The following HLCS variants were observed in gnomAD, a reference collection of about 807,000 sequenced individuals.
HLCS encodes the protein holocarboxylase synthetase.
HLCS carries 53 observed loss-of-function variants against 75.0 expected under a neutral mutation model. The ratio of observed to expected loss-of-function variants is 0.71; its 90% CI spans 0.57 to 0.89. The LOEUF (loss-of-function observed/expected upper bound fraction) is 0.89, where lower values mean the gene tolerates loss of function less well. HLCS is among the 40% of genes least tolerant of loss of function. The pLI, the probability that HLCS is intolerant of heterozygous loss-of-function variation, is 0.00. For missense variants in HLCS, 966 were observed against 1,074.0 expected (o/e 0.90, Z 1.41); for synonymous variants, 431 against 428.6 (o/e 1.01, Z -0.07).
chr21:36,981,524 T>G (rs1447718187), intron 1 of HLCS, among the ~76,000 whole-genome samples: 1 of 150,708 alleles, frequency 6.6e-6, no homozygotes, highest in East Asian at 2.0e-4. Flanking sequence ...CCTCAGCCTC[T>G]TAAGTATTGG....
chr21:36,938,652 C>T (rs767164295), intron 3 of HLCS, among the ~76,000 whole-genome samples, 180 bp downstream of exon 3: 7 of 152,130 alleles, frequency 4.6e-5, no homozygotes, highest in Non-Finnish European at 8.8e-5. Context: ...GCATGCACCA[C>T]CACACCCAGC....
chr21:36,873,169 G>T (rs1376323660), intron 6 of HLCS, among the ~76,000 whole-genome samples: 1 of 151,680 alleles, frequency 6.6e-6, no homozygotes, highest in South Asian at 2.1e-4. Flanking sequence ...CCAGGCTGGA[G>T]TACAGTGGCA....
chr21:36,754,410 G>T lies in HLCS; in HGVS notation c.2458C>A (p.Gln820Lys). The T allele has an allele frequency of 6.2e-7, 1 of 1,612,206 alleles. No homozygotes were observed. Residue 820 changes from glutamine to lysine, a missense_variant, in exon 11 of 11, where the codon CAA (glutamine) becomes AAA (lysine). Coordinates refer to ENST00000674895, the MANE Select transcript of HLCS (RefSeq NM_001352514.2). ...YYRYWVHSGQ[Q>K]VHLGSAEGPK... Reference sequence around the variant, plus strand: ...CCCTCTGCGCTGCCCAGATGGACTTGCTGACCACTGAAAAGGAAGAACAGC... The same window carrying T: ...CCCTCTGCGCTGCCCAGATGGACTTTCTGACCACTGAAAAGGAAGAACAGC...
intron 6 of HLCS, among the ~76,000 whole-genome samples, chr21:36,803,722 G>GTGTTT (rs772121312): frequency 1.2e-4 from 18 of 147,064 alleles, no homozygotes; most frequent in Admixed American, 2.1e-4. Context: ...AACTTCCAAA[G>GTGTTT]TGTTTTGTTT....
At chr21:36,811,277 T>C (rs975202760) in intron 6 of HLCS, among the ~76,000 whole-genome samples, 3 of 152,252 alleles carry the variant, frequency 2.0e-5, no homozygotes, top group Non-Finnish European at 4.4e-5. Context: ...ACAGCTGCCA[T>C]GCTCTTCACA....
At chr21:36,849,473 G>A (rs542806120) in intron 6 of HLCS, among the ~76,000 whole-genome samples, 65 of 152,340 alleles carry the variant, frequency 4.3e-4, no homozygotes, top group Non-Finnish European at 6.9e-4. Context: ...ACCTCCTTCT[G>A]CGGGTAGAAA....
At chr21:36,911,571 C>A (rs372738600) in intron 5 of HLCS, among the ~76,000 whole-genome samples, 1 of 151,428 alleles carries the variant, frequency 6.6e-6, no homozygotes, top group African/African-American at 2.4e-5. Context: ...GGTGAAACCC[C>A]GTATCTACTA....
At chr21:36,942,398 C>CAAAAAAAAAAAAA (rs55999516) in intron 2 of HLCS, among the ~76,000 whole-genome samples, 9 of 80,936 alleles carry the variant, frequency 1.1e-4, no homozygotes, top group African/African-American at 4.6e-4. Flanking sequence ...GACTCCGTCT[C>CAAAAAAAAAAAAA]AAAAAAAAAA....
chr21:36,784,866 G>T (rs2145852339), intron 6 of HLCS, among the ~76,000 whole-genome samples: 1 of 152,152 alleles, frequency 6.6e-6, no homozygotes, highest in South Asian at 2.1e-4. Context: ...TACGTATTCT[G>T]CTTCAAATAC....
intron 2 of HLCS, chr21:36,947,891 G>C (rs1196028922): frequency 1.0e-6 from 1 of 985,282 alleles, no homozygotes; most frequent in African/African-American, 1.7e-5. Flanking sequence ...TAATTTTTCT[G>C]ACTCTTGTTT....
At chr21:36,779,417 T>C (rs764240062) in intron 6 of HLCS, among the ~76,000 whole-genome samples, 2 of 152,102 alleles carry the variant, frequency 1.3e-5, no homozygotes, top group Non-Finnish European at 2.9e-5. Flanking sequence ...AAACCATAAG[T>C]TCATCATAAA....
chr21:36,823,030 G>A (rs1272531555), intron 6 of HLCS, among the ~76,000 whole-genome samples: 1 of 152,186 alleles, frequency 6.6e-6, no homozygotes. Flanking sequence ...GACTTCTCGT[G>A]TGTGTTAAAG....
At chr21:36,954,897 G>C (rs2067857201) in intron 2 of HLCS, among the ~76,000 whole-genome samples, 2 of 150,950 alleles carry the variant, frequency 1.3e-5, no homozygotes, top group Non-Finnish European at 3.0e-5. Context: ...CCTCATCTCT[G>C]CTAAAAATAT....
intron 6 of HLCS, among the ~76,000 whole-genome samples, chr21:36,889,946 C>T (rs560145445): frequency 1.1e-4 from 17 of 152,294 alleles, no homozygotes; most frequent in Admixed American, 9.8e-4. Flanking sequence ...TCCCCATAAT[C>T]CCCAGGTGCC....
intron 6 of HLCS, among the ~76,000 whole-genome samples, chr21:36,823,090 C>A (rs2061896255): frequency 6.6e-6 from 1 of 152,148 alleles, no homozygotes; most frequent in South Asian, 2.1e-4. Context: ...GAATCTAAGA[C>A]CCCGCTGATG....
chr21:36,898,923 T>C (rs1300398856), intron 5 of HLCS, among the ~76,000 whole-genome samples: 1 of 151,880 alleles, frequency 6.6e-6, no homozygotes, highest in Non-Finnish European at 1.5e-5. Context: ...TAGCCGGGCA[T>C]GGTGGCGTGC....
intron 1 of HLCS, 82 bp downstream of exon 1, chr21:36,966,362 G>C (rs1204041969): frequency 1.5e-6 from 1 of 676,000 alleles, no homozygotes; most frequent in South Asian, 6.5e-5. Context: ...GAACTCCCGG[G>C]CTCCCGGCGG....
At chr21:36,835,924 A>C (rs1218214134) in intron 6 of HLCS, among the ~76,000 whole-genome samples, 1 of 152,032 alleles carries the variant, frequency 6.6e-6, no homozygotes, top group African/African-American at 2.4e-5. Context: ...TTTTAAAATC[A>C]AACCAGGAGT....
intron 1 of HLCS, among the ~76,000 whole-genome samples, chr21:36,979,488 A>G (rs1429052447): frequency 6.6e-6 from 1 of 152,166 alleles, no homozygotes; most frequent in East Asian, 1.9e-4. Context: ...TGAGTCTCCT[A>G]TAGGGGGGTC....
Sources: gnomAD v4.1 joint callset for allele counts (sites outside exome capture counted in the v4.1 genomes callset) on GRCh38, gnomAD v4.1.1 for gene constraint, MANE v1.5 for transcripts, NCBI Gene and HGNC (gene_info 2026-07-23, HGNC 2026-07-21) for gene names.